Variants in FANCD2OS observed in about 807,000 individuals in gnomAD.
The protein encoded by FANCD2OS is FANCD2 opposite strand, also known as FANCD2 opposite strand protein.
In FANCD2OS, 11 loss-of-function variants were observed where a neutral mutation model predicts 13.2. The ratio of observed to expected loss-of-function variants is 0.83; its 90% CI spans 0.52 to 1.38. The LOEUF (loss-of-function observed/expected upper bound fraction) is 1.38. Among genes scored for constraint, FANCD2OS ranks in the 40% most tolerant of loss-of-function variants. FANCD2OS has a pLI of 0.00. For missense variants in FANCD2OS, 217 were observed against 213.9 expected, an observed-to-expected ratio of 1.01 and a Z score of -0.09; for synonymous variants, 69 against 84.5, an observed-to-expected ratio of 0.82 and a Z score of 1.01.
downstream of FANCD2OS, chr3:10,101,298 G>A: frequency 6.9e-7 from 1 of 1,447,718 alleles, no homozygotes; most frequent in Non-Finnish European, 9.7e-7. Flanking sequence ...CTGTGTCTCT[G>A]CCAGCCTGTG....
chr3:10,099,959 G>A (rs1205409143), downstream of FANCD2OS, among the ~76,000 whole-genome samples: 1 of 152,128 alleles, frequency 6.6e-6, no homozygotes, highest in African/African-American at 2.4e-5. Context: ...ACTTTGTGAG[G>A]CTGAGGTGGG....
chr3:10,086,543 G>A (rs1057285536), intron 2 of FANCD2OS, among the ~76,000 whole-genome samples: 3 of 151,910 alleles, frequency 2.0e-5, no homozygotes, highest in Admixed American at 6.6e-5. Flanking sequence ...CCAGGCTGGA[G>A]TGATCCCAGC....
chr3:10,084,098 A>G (rs1694023587), intron 2 of FANCD2OS, among the ~76,000 whole-genome samples: 1 of 150,798 alleles, frequency 6.6e-6, no homozygotes, highest in Admixed American at 6.6e-5. Flanking sequence ...GGTTCAAGCG[A>G]TTCTTCTGCC....
downstream of FANCD2OS, chr3:10,098,952 A>G: frequency 6.2e-7 from 1 of 1,614,222 alleles, no homozygotes; most frequent in Non-Finnish European, 8.5e-7. Flanking sequence ...CCTCCATAAC[A>G]GCTTCTGTGC....
chr3:10,105,768 AAAATTATATATATATATATAT>A (rs1695466026), intron 1 of FANCD2OS, among the ~76,000 whole-genome samples: 1 of 51,406 alleles, frequency 1.9e-5, no homozygotes, highest in African/African-American at 2.1e-4. Flanking sequence ...AAAAAAAAAA[AAAATTATATATATATATATAT>A]ATATATATAT....
intron 1 of FANCD2OS, among the ~76,000 whole-genome samples, chr3:10,105,761 AAAAAAAAAAATTAT>A (rs1695455395): frequency 4.4e-5 from 3 of 68,890 alleles, no homozygotes; most frequent in African/African-American, 2.8e-4. Flanking sequence ...AAAAAAAAAA[AAAAAAAAAAATTAT>A]ATATATATAT....
At position 10,104,214 on chromosome 3, in the gene FANCD2OS, A is replaced by G. The variant is rs1356094466; in HGVS notation, c.*27T>C. ...GGTACATACCAAAGGGCATGGTGTG[A>G]GTAAATGGGGATCAAATGAGGACCC... On this transcript the variant is annotated 3_prime_UTR_variant, in exon 2 of 2. Transcript: ENST00000450660. 11 of 1,570,652 alleles carry G rather than the reference A, an allele frequency of 7.0e-6. No individual in the cohort carries two copies. Among genetic ancestry groups the G allele is most frequent in the Non-Finnish European group, 9.5e-6 (11 of 1,158,036 alleles).
chr3:10,093,400 A>C (rs901210401), intron 2 of FANCD2OS: 2 of 1,250,926 alleles, frequency 1.6e-6, no homozygotes, highest in African/African-American at 2.9e-5. Context: ...GCTGAGATAA[A>C]TTGCTCAATT....
chr3:10,103,773 G>T (rs919779461), downstream of FANCD2OS, among the ~76,000 whole-genome samples: 2 of 152,106 alleles, frequency 1.3e-5, no homozygotes. Flanking sequence ...GGTGTGGTTG[G>T]TTAGGGTTTT....
intron 2 of FANCD2OS, among the ~76,000 whole-genome samples, chr3:10,081,957 C>T (rs1693867075): frequency 6.6e-6 from 1 of 152,166 alleles, no homozygotes; most frequent in Non-Finnish European, 1.5e-5. Flanking sequence ...CAGGGACAGG[C>T]GTTGGGCTCT....
chr3:10,105,038 T>C (rs1695432073), intron 1 of FANCD2OS, among the ~76,000 whole-genome samples: 1 of 152,102 alleles, frequency 6.6e-6, no homozygotes, highest in African/African-American at 2.4e-5. Context: ...TTTTTTGTAG[T>C]GACAGAGTTT....
chr3:10,095,007 G>A (rs913260333), intron 2 of FANCD2OS: 87 of 618,596 alleles, frequency 1.4e-4, no homozygotes, highest in Middle Eastern at 8.6e-4. Flanking sequence ...TGATACAAGG[G>A]ACAGAAATGG....
At chr3:10,102,283 A>G (rs1228174354), downstream of FANCD2OS, among the ~76,000 whole-genome samples, 2 of 151,710 alleles carry the variant, frequency 1.3e-5, no homozygotes, top group African/African-American at 2.4e-5. Flanking sequence ...AGGTGGGACT[A>G]CAGGCACACG....
intron 2 of FANCD2OS, chr3:10,094,232 AG>A: frequency 7.6e-7 from 1 of 1,315,938 alleles, no homozygotes; most frequent in Non-Finnish European, 1.1e-6. Flanking sequence ...ATTCTGCCTC[AG>A]GGGCCTTTCA....
At chr3:10,085,851 T>C in intron 2 of FANCD2OS, 1 of 1,613,852 alleles carries the variant, frequency 6.2e-7, no homozygotes, top group Non-Finnish European at 8.5e-7. Flanking sequence ...ATTTACTGTA[T>C]TCAGCCCTCC....
downstream of FANCD2OS, chr3:10,101,999 A>G: frequency 5.7e-6 from 1 of 174,928 alleles, no homozygotes; most frequent in Non-Finnish European, 1.2e-5. Flanking sequence ...AATTGAATTG[A>G]GATTTGTGCA....
chr3:10,105,017 G>T (rs1036976558), intron 1 of FANCD2OS, among the ~76,000 whole-genome samples: 4 of 152,082 alleles, frequency 2.6e-5, no homozygotes, highest in Non-Finnish European at 4.4e-5. Flanking sequence ...AGCGATCTTG[G>T]CTCACTGTAT....
downstream of FANCD2OS, chr3:10,101,550 T>C: frequency 2.4e-6 from 1 of 423,380 alleles, no homozygotes; most frequent in Admixed American, 3.8e-5. Context: ...CATGCCCAGC[T>C]AATTTTTGTA....
chr3:10,093,940 G>T (rs904496928), intron 2 of FANCD2OS, among the ~76,000 whole-genome samples: 1 of 152,130 alleles, frequency 6.6e-6, no homozygotes, highest in African/African-American at 2.4e-5. Flanking sequence ...TTAGAAATTG[G>T]TCATATGCTT....
Sources: gnomAD v4.1 joint callset for allele counts (sites outside exome capture counted in the v4.1 genomes callset) on GRCh38, gnomAD v4.1.1 for gene constraint, MANE v1.5 for transcripts, NCBI Gene and HGNC (gene_info 2026-07-23, HGNC 2026-07-21) for gene names.